The following ADAMTSL3 variants were observed in gnomAD, a reference collection of about 807,000 sequenced individuals.
The protein encoded by ADAMTSL3 is ADAMTS like 3, also known as ADAMTS-like protein 3.
In ADAMTSL3, 128 loss-of-function variants were observed where a neutral mutation model predicts 201.7. The observed-to-expected ratio is 0.63, with a 90% CI of 0.55 to 0.73. ADAMTSL3 has a LOEUF of 0.73. Among genes scored for constraint, ADAMTSL3 ranks in the 30% least tolerant of loss-of-function variants. ADAMTSL3 has a pLI of 0.00. For missense variants in ADAMTSL3, 1,990 were observed against 2,119.6 expected (o/e 0.94, Z 1.20); for synonymous variants, 738 against 748.4 (o/e 0.99, Z 0.23).
chr15:84,014,765 A>G, intron 24 of ADAMTSL3, 41 bp downstream of exon 24: 1 of 1,553,780 alleles, frequency 6.4e-7, no homozygotes, highest in Non-Finnish European at 8.7e-7. Context: ...TGCCTCCTGT[A>G]ATATGCACAA....
intron 26 of ADAMTSL3, among the ~76,000 whole-genome samples, chr15:84,024,072 G>A (rs1030311367): frequency 1.3e-5 from 2 of 152,228 alleles, no homozygotes; most frequent in East Asian, 1.9e-4. Context: ...TGGCTAACAC[G>A]GTGAAACCCC....
intron 15 of ADAMTSL3, among the ~76,000 whole-genome samples, chr15:83,902,484 A>T (rs2065746216): frequency 6.6e-6 from 1 of 152,058 alleles, no homozygotes; most frequent in Non-Finnish European, 1.5e-5. Flanking sequence ...GTTAGCCAGG[A>T]TGGTCTCGAT....
chr15:83,794,115 C>A (rs2063385786), intron 4 of ADAMTSL3, among the ~76,000 whole-genome samples: 2 of 152,172 alleles, frequency 1.3e-5, no homozygotes, highest in African/African-American at 4.8e-5. Flanking sequence ...AATAAGATAT[C>A]ATTACCTACC....
chr15:83,937,857 T>A lies in ADAMTSL3; in HGVS notation c.2118-4739T>A, dbSNP rs959298193. Among the ~76,000 whole-genome samples, 10 of 150,908 alleles carry A rather than the reference T, an allele frequency of 6.6e-5. 1 individual carries two copies. Among genetic ancestry groups the A allele is most frequent in the African/African-American group, 9.9e-5 (4 of 40,244 alleles). On this transcript the variant is annotated intron_variant, in intron 17 of 29. Coordinates refer to ENST00000286744, the MANE Select transcript of ADAMTSL3 (RefSeq NM_207517.3). The stretch of plus-strand genomic sequence containing the variant: ...ATAAGCAGTATAAACTAATTGTGCT[T>A]AACTTGAGCTAATAATAAACTTACT...
intron 24 of ADAMTSL3, 112 bp downstream of exon 24, chr15:84,014,836 T>A: frequency 1.8e-6 from 2 of 1,083,346 alleles, no homozygotes; most frequent in Non-Finnish European, 2.6e-6. Context: ...CAGATGGTTT[T>A]AACCATTGCT....
At chr15:83,890,729 A>C (rs1258183883) in intron 11 of ADAMTSL3, 1 of 154,288 alleles carries the variant, frequency 6.5e-6, no homozygotes, top group African/African-American at 2.4e-5. Context: ...GTACCTGCTG[A>C]CTTGGATTGC....
chr15:83,991,307 A>G (rs2067578366), intron 23 of ADAMTSL3, 93 bp downstream of exon 23: 1 of 1,573,204 alleles, frequency 6.4e-7, no homozygotes, highest in African/African-American at 1.4e-5. Flanking sequence ...GCATTTTGGT[A>G]TTCGAGACCT....
At position 83,703,657 on chromosome 15, in the gene ADAMTSL3, C is replaced by T. The variant is rs1471306082; in HGVS notation, c.70-732C>T. ...TCACCTCCTGCCATGATACTGAGGC[C>T]TCCCCAGCCACGTGGAACTCTAAGT... On this transcript the variant is annotated intron_variant, in intron 2 of 29. Coordinates refer to ENST00000286744, the MANE Select transcript of ADAMTSL3 (RefSeq NM_207517.3). Among the ~76,000 whole-genome samples, 2 of 152,142 alleles carry T rather than the reference C, an allele frequency of 1.3e-5. 1 individual carries two copies. Among genetic ancestry groups the T allele is most frequent in the Admixed American group, 1.3e-4 (2 of 15,278 alleles).
chr15:83,942,930 C>T lies in ADAMTSL3; in HGVS notation c.2338C>T (p.Gln780Ter), dbSNP rs1171571341. ...QCSRTCGGGT[Q>*]NRRVTCRQLL... Reference sequence around the variant, plus strand: ...TTCCAGGACTTGTGGCGGGGGAACTCAGAACAGAAGAGTCACCTGTCGGCA... The same window carrying T: ...TTCCAGGACTTGTGGCGGGGGAACTTAGAACAGAAGAGTCACCTGTCGGCA... Residue 780 changes from glutamine to a stop codon, truncating the protein, a stop_gained, in exon 19 of 30, where the codon CAG becomes TAG. Coordinates refer to ENST00000286744, the MANE Select transcript of ADAMTSL3 (RefSeq NM_207517.3). LOFTEE classifies it high-confidence loss of function. 1 of 1,604,790 alleles carries T rather than the reference C, an allele frequency of 6.2e-7. No individual in the cohort carries two copies. Among genetic ancestry groups the T allele is most frequent in the African/African-American group, 1.3e-5 (1 of 74,846 alleles).
chr15:83,731,355 C>T (rs1793030146), intron 3 of ADAMTSL3, among the ~76,000 whole-genome samples: 1 of 151,962 alleles, frequency 6.6e-6, no homozygotes, highest in Non-Finnish European at 1.5e-5. Context: ...ACCACAATGA[C>T]AAAACATCTC....
intron 3 of ADAMTSL3, among the ~76,000 whole-genome samples, chr15:83,713,632 A>G (rs2141540557): frequency 6.6e-6 from 1 of 152,334 alleles, no homozygotes; most frequent in African/African-American, 2.4e-5. Context: ...AACAAAGGTA[A>G]GTTAATTTGC....
intron 9 of ADAMTSL3, among the ~76,000 whole-genome samples, chr15:83,874,947 G>C (rs572786873): frequency 6.9e-6 from 1 of 145,438 alleles, no homozygotes; most frequent in Non-Finnish European, 1.5e-5. Context: ...TCTCAGCGAG[G>C]AAACCTCAGA....
At chr15:83,952,743 T>C (rs966968499) in intron 19 of ADAMTSL3, among the ~76,000 whole-genome samples, 22 of 151,672 alleles carry the variant, frequency 1.5e-4, no homozygotes, top group African/African-American at 4.6e-4. Flanking sequence ...AAGGTGGTGG[T>C]TGTAGTGAGC....
rs148630362 is a variant in ADAMTSL3 at position 83,831,352 on chromosome 15, G to A, written c.601-6737G>A. Among the ~76,000 whole-genome samples the A allele has an allele frequency of 7.2e-5, 11 of 152,274 alleles. No homozygotes were observed. The East Asian group carries it at 1.9e-3, about 27-fold the overall frequency. ...TGAATAGGCTGAAATGAGTAGGGAT[G>A]ATGAGCATAAACCCCCTTTTCAAAA... On this transcript the variant is annotated intron_variant, in intron 6 of 29. Coordinates refer to ENST00000286744, the MANE Select transcript of ADAMTSL3 (RefSeq NM_207517.3).
At chr15:83,801,051 C>T (rs1454221777) in intron 4 of ADAMTSL3, among the ~76,000 whole-genome samples, 1 of 152,092 alleles carries the variant, frequency 6.6e-6, no homozygotes, top group Non-Finnish European at 1.5e-5. Context: ...TTTCTACCAT[C>T]CTCCCAGTTT....
intron 27 of ADAMTSL3, among the ~76,000 whole-genome samples, chr15:84,025,972 G>A (rs765719183): frequency 1.1e-4 from 17 of 152,090 alleles, no homozygotes; most frequent in East Asian, 1.9e-4. Context: ...ATATATGCAC[G>A]TAATACAATT....
chr15:83,824,601 T>A (rs2063978930), intron 6 of ADAMTSL3, among the ~76,000 whole-genome samples: 1 of 152,200 alleles, frequency 6.6e-6, no homozygotes, highest in South Asian at 2.1e-4. Context: ...CAGAGTAGTT[T>A]CACTGACCTA....
In ADAMTSL3 at chr15:83,889,901, A is replaced by G. The variant is rs12591488; in HGVS notation, c.1073-208A>G. Among the ~76,000 whole-genome samples the G allele has an allele frequency of 0.047, 7,151 of 152,292 alleles. 238 individuals are homozygous for G. The highest frequency in any genetic ancestry group is 0.2 in the East Asian group (1,026 of 5,182). On this transcript the variant is annotated intron_variant, in intron 10 of 29. Coordinates refer to ENST00000286744, the MANE Select transcript of ADAMTSL3 (RefSeq NM_207517.3). Reference sequence around the variant, plus strand: ...TACTGTTTTCCTGGATCCCAGCCACAGGACTTCTGACTTAATTGGACCATG... The same window carrying G: ...TACTGTTTTCCTGGATCCCAGCCACGGGACTTCTGACTTAATTGGACCATG...
At chr15:83,990,748 A>C (rs536995171) in intron 22 of ADAMTSL3, among the ~76,000 whole-genome samples, 3 of 152,004 alleles carry the variant, frequency 2.0e-5, no homozygotes, top group African/African-American at 7.2e-5. Context: ...GCTTCTTATG[A>C]GCTTCTGAAT....
Sources: allele counts gnomAD v4.1 joint callset (sites outside exome capture counted in the v4.1 genomes callset), GRCh38; gene constraint gnomAD v4.1.1; transcripts MANE v1.5; gene names NCBI Gene and HGNC (gene_info 2026-07-23, HGNC 2026-07-21).